SRGAP3: variants seen among roughly 807,000 people sequenced by gnomAD.
SRGAP3 encodes the protein SLIT-ROBO Rho GTPase activating protein 3.
A neutral mutation model predicts 121.1 loss-of-function variants in SRGAP3; 39 were observed. The ratio of observed to expected loss-of-function variants is 0.32; its 90% CI spans 0.25 to 0.42. The LOEUF (loss-of-function observed/expected upper bound fraction) is 0.42. Ranked by LOEUF, SRGAP3 falls within the 10% of genes least tolerant of loss-of-function variation. The pLI, the probability that SRGAP3 is intolerant of heterozygous loss-of-function variation, is 1.00. For synonymous variants in SRGAP3, 601 were observed against 570.0 expected (o/e 1.05, Z -0.77); for missense variants, 1,213 against 1,470.6 (o/e 0.82, Z 2.86).
intron 10 of SRGAP3, among the ~76,000 whole-genome samples, chr3:9,043,986 G>C (rs1401555002): frequency 1.3e-5 from 2 of 152,090 alleles, no homozygotes; most frequent in Admixed American, 6.5e-5. Flanking sequence ...AGAATTCTCT[G>C]GCCAATAAAA....
chr3:9,090,254 T>C (rs1008470644), intron 3 of SRGAP3, among the ~76,000 whole-genome samples: 2 of 152,156 alleles, frequency 1.3e-5, no homozygotes, highest in Non-Finnish European at 2.9e-5. Context: ...ACCAGATCCC[T>C]GGCTTTAAAG....
intron 10 of SRGAP3, among the ~76,000 whole-genome samples, chr3:9,042,455 C>A (rs912395020): frequency 5.0e-4 from 73 of 145,242 alleles, no homozygotes; most frequent in African/African-American, 1.7e-3. Flanking sequence ...AAAAAAAAGG[C>A]AGAATAGGGC....
upstream of SRGAP3, among the ~76,000 whole-genome samples, chr3:9,252,851 A>G (rs1391031385): frequency 1.3e-5 from 2 of 152,216 alleles, no homozygotes; most frequent in Non-Finnish European, 2.9e-5. Flanking sequence ...GTCTCCAAAT[A>G]AATGTGGTAG....
chr3:9,266,587 C>T (rs1355575558), intron 3 of SRGAP3, among the ~76,000 whole-genome samples: 5 of 152,116 alleles, frequency 3.3e-5, no homozygotes, highest in African/African-American at 4.8e-5. Context: ...GATCATCTCT[C>T]GGCTCCACTC....
At chr3:9,104,972 T>C (rs1033490768) in intron 2 of SRGAP3, 130 bp from the exon 3 acceptor site, 2 of 1,131,206 alleles carry the variant, frequency 1.8e-6, no homozygotes, top group Non-Finnish European at 2.6e-6. Flanking sequence ...TGTTACACCT[T>C]ATACAGTTGG....
intron 3 of SRGAP3, among the ~76,000 whole-genome samples, chr3:9,267,620 C>T (rs1047619420): frequency 1.7e-4 from 26 of 152,118 alleles, no homozygotes; most frequent in Non-Finnish European, 1.0e-4. Context: ...ACAATAAATG[C>T]GACCATTGTA....
In SRGAP3 at chr3:9,249,188, AAAG is replaced by A; in HGVS notation, c.-240_-238del. ...CTTGCCCTGGTCAGCTCCTCTTGCAAAAGAAGAATCACCCTAGGAGCACAGTAA... is the reference window on the plus strand; with the variant it reads ...CTTGCCCTGGTCAGCTCCTCTTGCAAAAGAATCACCCTAGGAGCACAGTAA... On this transcript the variant is annotated 5_prime_UTR_variant, in exon 1 of 22. Coordinates refer to ENST00000383836, the MANE Select transcript of SRGAP3 (RefSeq NM_014850.4). The A allele has an allele frequency of 1.7e-6, 1 of 583,666 alleles. No homozygotes were observed. Among genetic ancestry groups the A allele is most frequent in the Non-Finnish European group, 3.1e-6 (1 of 327,600 alleles). 36.2% of individuals were successfully genotyped at this position (583,666 alleles called of 1,614,324 possible). A position where few individuals can be genotyped will look rare whatever the true frequency, so the allele number is the denominator to read the frequency against.
intron 1 of SRGAP3, among the ~76,000 whole-genome samples, chr3:9,243,881 A>G: frequency 6.6e-6 from 1 of 152,200 alleles, no homozygotes. Context: ...TTTTTAAGCC[A>G]CCATTTAAAA....
chr3:9,067,613 A>G (rs1946490843), intron 4 of SRGAP3, among the ~76,000 whole-genome samples: 2 of 152,188 alleles, frequency 1.3e-5, no homozygotes, highest in Non-Finnish European at 2.9e-5. Context: ...GATGATCTTC[A>G]TGCCTTGGTT....
chr3:9,291,271 G>A (rs1022933492), intron 3 of SRGAP3, among the ~76,000 whole-genome samples: 7 of 152,092 alleles, frequency 4.6e-5, no homozygotes, highest in Non-Finnish European at 7.4e-5. Flanking sequence ...TTCCACAAGC[G>A]TTTTCTTATT....
At position 8,983,572 on chromosome 3, in the gene SRGAP3, A is replaced by T. The variant is rs926566456; in HGVS notation, c.*1947T>A. Reference sequence around the variant, plus strand: ...CTTCATCCAATGGGCTGAAATGTTAATGATGGAATCCAGGGCTCTTATTAG... The same window carrying T: ...CTTCATCCAATGGGCTGAAATGTTATTGATGGAATCCAGGGCTCTTATTAG... On this transcript the variant is annotated 3_prime_UTR_variant, in exon 22 of 22. Transcript: ENST00000383836. The T allele has an allele frequency of 4.3e-6, 1 of 231,318 alleles. No individual in the cohort carries two copies. Among genetic ancestry groups the T allele is most frequent in the South Asian group, 1.8e-4 (1 of 5,510 alleles). 14.3% of individuals were successfully genotyped at this position (231,318 alleles called of 1,614,324 possible).
intron 7 of SRGAP3, among the ~76,000 whole-genome samples, chr3:9,056,550 G>C (rs923420958): frequency 2.6e-5 from 4 of 152,224 alleles, no homozygotes; most frequent in African/African-American, 9.6e-5. Flanking sequence ...CCGCACTCTT[G>C]CCACTGCCAG....
chr3:9,027,070 T>A, intron 12 of SRGAP3, 75 bp from the exon 13 acceptor site: 1 of 1,364,292 alleles, frequency 7.3e-7, no homozygotes, highest in East Asian at 2.3e-5. Context: ...AAACACCGAT[T>A]ACAGACTCAA....
chr3:9,346,785 A>C (rs1446441777), intron 1 of SRGAP3, among the ~76,000 whole-genome samples: 2 of 141,318 alleles, frequency 1.4e-5, no homozygotes, highest in East Asian at 2.1e-4. Flanking sequence ...ACAAAGTCTC[A>C]CTCTTCTCCC....
chr3:9,010,434 C>G, intron 17 of SRGAP3, 47 bp from the exon 18 acceptor site: 1 of 1,607,294 alleles, frequency 6.2e-7, no homozygotes, highest in Non-Finnish European at 8.5e-7. Flanking sequence ...GGTTATCTAC[C>G]CTCACAGCAC....
At chr3:9,257,263 G>A (rs933792992) in intron 3 of SRGAP3, 4 of 154,578 alleles carry the variant, frequency 2.6e-5, no homozygotes, top group Non-Finnish European at 5.7e-5. Context: ...TTTTGTGGGA[G>A]GTAATTAGGG....
intron 3 of SRGAP3, among the ~76,000 whole-genome samples, chr3:9,254,895 AAAGG>A (rs536231433): frequency 0.025 from 3,776 of 149,152 alleles, 69 homozygotes; most frequent in Non-Finnish European, 0.04. Flanking sequence ...GAAAGAAAAG[AAAGG>A]AAGGAAGGAA....
chr3:9,299,770 C>T (rs1001728430), intron 3 of SRGAP3, among the ~76,000 whole-genome samples: 9 of 152,036 alleles, frequency 5.9e-5, no homozygotes, highest in Admixed American at 5.9e-4. Flanking sequence ...ATTAGCCAGG[C>T]ATGGTGGCAC....
In SRGAP3 at chr3:9,150,141, T is replaced by G. The variant is rs183043371; in HGVS notation, c.68-25224A>C. Among the ~76,000 whole-genome samples, 26 of 151,578 alleles carry G rather than the reference T, an allele frequency of 1.7e-4. No homozygotes were observed. The East Asian group carries it at 5.1e-3, about 29-fold the overall frequency. On this transcript the variant is annotated intron_variant, in intron 1 of 21. Transcript: ENST00000383836. ...ATACAGGGAGGTGAGCCTAATGAGA[T>G]GAGGGGGTGCCAGGGAGATCAAGAG...
Sources: allele counts gnomAD v4.1 joint callset (sites outside exome capture counted in the v4.1 genomes callset), GRCh38; gene constraint gnomAD v4.1.1; transcripts MANE v1.5; gene names NCBI Gene and HGNC (gene_info 2026-07-23, HGNC 2026-07-21).